OBI1: variants seen among roughly 807,000 people sequenced by gnomAD.
OBI1 encodes the protein ring finger protein 219.
Under a neutral mutation model 62.4 loss-of-function variants are expected in OBI1, and 59 were observed. That is an observed-to-expected ratio of 0.95 (90% confidence interval 0.77 to 1.17). OBI1 has a LOEUF of 1.17. OBI1 is among the 50% of genes most tolerant of loss of function. OBI1 has a pLI of 0.00. For synonymous variants in OBI1, 302 were observed against 292.8 expected, an observed-to-expected ratio of 1.03 and a Z score of -0.32; for missense variants, 875 against 830.9, an observed-to-expected ratio of 1.05 and a Z score of -0.65.
At chr13:78,654,029 G>A (rs1425196499) in intron 1 of OBI1, among the ~76,000 whole-genome samples, 159 of 133,420 alleles carry the variant, frequency 1.2e-3, no homozygotes, top group Non-Finnish European at 1.4e-3. Flanking sequence ...ATAACTTAAG[G>A]AAAAAAAAAA....
chr13:78,643,408 CT>C (rs1412359543), intron 2 of OBI1, among the ~76,000 whole-genome samples: 5 of 152,336 alleles, frequency 3.3e-5, no homozygotes, highest in Admixed American at 6.5e-5. Context: ...AGAGCCAACT[CT>C]GATTGCGCCT....
At chr13:78,625,036 A>G (rs1261260169) in intron 5 of OBI1, among the ~76,000 whole-genome samples, 1 of 152,186 alleles carries the variant, frequency 6.6e-6, no homozygotes, top group African/African-American at 2.4e-5. Flanking sequence ...CTATTTGACA[A>G]ATATATCTCA....
intron 1 of OBI1, 152 bp downstream of exon 1, chr13:78,658,897 A>C (rs1361208430): frequency 1.6e-6 from 1 of 637,652 alleles, no homozygotes; most frequent in African/African-American, 1.8e-5. Context: ...CCCATCTCCC[A>C]GGACGCGGCC....
At position 78,659,081 on chromosome 13, in the gene OBI1, G is replaced by A. The variant is rs778683718; in HGVS notation, c.40C>T (p.Leu14=). The A allele has an allele frequency of 3.1e-6, 5 of 1,612,940 alleles. No individual in the cohort carries two copies. The highest frequency in any genetic ancestry group is 4.2e-6 in the Non-Finnish European group (5 of 1,179,748). The change falls in exon 1 of 6, where the codon CTG becomes TTG. Residue 14 remains leucine, a synonymous_variant. Coordinates refer to ENST00000282003, the MANE Select transcript of OBI1 (RefSeq NM_024546.4). ...TVQNVTLSLT[L]PITCHICLGK... ...AAGCAAATGTGGCACGTGATGGGCA[G>A]AGTGAGCGACAATGTAACATTCTGC...
At chr13:78,633,310 A>C (rs1268567600) in intron 5 of OBI1, among the ~76,000 whole-genome samples, 1 of 152,180 alleles carries the variant, frequency 6.6e-6, no homozygotes, top group Non-Finnish European at 1.5e-5. Flanking sequence ...GAAACTATTT[A>C]AACGTAAAAG....
intron 1 of OBI1, among the ~76,000 whole-genome samples, chr13:78,653,472 A>G (rs1052148396): frequency 3.3e-5 from 5 of 152,368 alleles, no homozygotes; most frequent in African/African-American, 1.2e-4. Context: ...CTGAGACTCT[A>G]AGAAATAATG....
rs577337707 is a variant in OBI1, at chr13:78,658,172, AAC to A, written c.72+875_72+876del. Among the ~76,000 whole-genome samples the A allele has an allele frequency of 1.6e-3, 241 of 152,300 alleles. 1 individual carries two copies. The highest frequency in any genetic ancestry group is 5.6e-3 in the African/African-American group (231 of 41,560). ...ACGGCTCAGTCTGCGCTGGGGGGTA[AAC>A]ACACACCCTGACACACCACAGACGT... On this transcript the variant is annotated intron_variant, in intron 1 of 5. Coordinates refer to ENST00000282003, the MANE Select transcript of OBI1 (RefSeq NM_024546.4).
Position 78,624,971 on chromosome 13 carries a change from C to G in OBI1, c.639-7849G>C, listed in dbSNP as rs9635019. Among the ~76,000 whole-genome samples the G allele has an allele frequency of 2.6e-5, 4 of 152,332 alleles. No individual in the cohort carries two copies. In the East Asian group the frequency reaches 5.8e-4, roughly 22 times the overall value. On this transcript the variant is annotated intron_variant, in intron 5 of 5. Coordinates refer to ENST00000282003, the MANE Select transcript of OBI1 (RefSeq NM_024546.4). ...GATGCCTAACTCTAAGTACTACTTTCTCTGCATTGCCTGTGAGGACAGACT... is the reference window on the plus strand; with the variant it reads ...GATGCCTAACTCTAAGTACTACTTTGTCTGCATTGCCTGTGAGGACAGACT...
chr13:78,655,568 A>G (rs1876676604), intron 1 of OBI1, among the ~76,000 whole-genome samples: 1 of 152,286 alleles, frequency 6.6e-6, no homozygotes, highest in East Asian at 1.9e-4. Flanking sequence ...ACAGGTGAAT[A>G]CCTGGGCTCT....
At chr13:78,635,550 C>T (rs1384779367) in intron 4 of OBI1, among the ~76,000 whole-genome samples, 2 of 152,042 alleles carry the variant, frequency 1.3e-5, no homozygotes. Context: ...AACATTATAC[C>T]ACATGCAATA....
chr13:78,622,633 C>T (rs1341503000), intron 5 of OBI1, among the ~76,000 whole-genome samples: 9 of 152,138 alleles, frequency 5.9e-5, no homozygotes, highest in African/African-American at 1.9e-4. Flanking sequence ...AAGAGCTTTC[C>T]ATTTGCCCTT....
chr13:78,620,642 T>C, intron 5 of OBI1: 1 of 456,652 alleles, frequency 2.2e-6, no homozygotes, highest in Non-Finnish European at 4.4e-6. Context: ...CCAGTTCCCC[T>C]TGTCCAAATA....
At chr13:78,633,993 G>A (rs565193539) in intron 5 of OBI1, among the ~76,000 whole-genome samples, 33 of 151,518 alleles carry the variant, frequency 2.2e-4, no homozygotes, top group African/African-American at 6.0e-4. Context: ...CGTAAACCCC[G>A]GGGGGCGGAG....
chr13:78,641,032 T>C (rs529354973), intron 3 of OBI1, among the ~76,000 whole-genome samples: 8 of 152,182 alleles, frequency 5.3e-5, no homozygotes, highest in African/African-American at 9.7e-5. Context: ...AACCAGTCAC[T>C]AAACATTTGG....
intron 1 of OBI1, among the ~76,000 whole-genome samples, chr13:78,649,344 G>A (rs1876477767): frequency 1.3e-5 from 2 of 152,220 alleles, no homozygotes; most frequent in African/African-American, 2.4e-5. Context: ...TATCACAGAA[G>A]TCAAGGCAAG....
chr13:78,640,833 T>C (rs1876191239), intron 3 of OBI1, among the ~76,000 whole-genome samples: 2 of 152,268 alleles, frequency 1.3e-5, no homozygotes, highest in Middle Eastern at 3.4e-3. Context: ...AGGGTTTTGA[T>C]ATTTATACTT....
At chr13:78,631,656 A>C (rs2137442636) in intron 5 of OBI1, among the ~76,000 whole-genome samples, 1 of 152,278 alleles carries the variant, frequency 6.6e-6, no homozygotes, top group South Asian at 2.1e-4. Flanking sequence ...GTGGCTAAAT[A>C]AAGCCAAAGG....
At chr13:78,654,894 T>A (rs1876652887) in intron 1 of OBI1, among the ~76,000 whole-genome samples, 1 of 152,056 alleles carries the variant, frequency 6.6e-6, no homozygotes, top group African/African-American at 2.4e-5. Flanking sequence ...CCAGCACTAT[T>A]CCAGTCCACC....
chr13:78,623,177 T>C (rs1460600333), intron 5 of OBI1, among the ~76,000 whole-genome samples: 1 of 152,028 alleles, frequency 6.6e-6, no homozygotes, highest in Admixed American at 6.6e-5. Flanking sequence ...TCCTAGAAAT[T>C]TGTTAATCAT....
Sources: allele counts gnomAD v4.1 joint callset (sites outside exome capture counted in the v4.1 genomes callset), GRCh38; gene constraint gnomAD v4.1.1; transcripts MANE v1.5; gene names NCBI Gene and HGNC (gene_info 2026-07-23, HGNC 2026-07-21).